Variants in SUMF1 observed in about 807,000 individuals in gnomAD.
The protein encoded by SUMF1 is sulfatase modifying factor 1, also known as formylglycine-generating enzyme.
SUMF1 carries 48 observed loss-of-function variants against 47.6 expected under a neutral mutation model. That is an observed-to-expected ratio of 1.01 (90% CI 0.80 to 1.28). The LOEUF (loss-of-function observed/expected upper bound fraction) is 1.28, where lower values mean the gene tolerates loss of function less well. Ranked by LOEUF, SUMF1 falls within the 50% of genes most tolerant of loss-of-function variation. The pLI, the probability that SUMF1 is intolerant of heterozygous loss-of-function variation, is 0.00. For missense variants in SUMF1, 571 were observed against 485.4 expected (o/e 1.18, Z -1.66); for synonymous variants, 230 against 192.1 (o/e 1.20, Z -1.63).
intron 8 of SUMF1, among the ~76,000 whole-genome samples, chr3:4,282,459 C>T (rs1288532709): frequency 6.6e-6 from 1 of 152,186 alleles, no homozygotes; most frequent in Non-Finnish European, 1.5e-5. Flanking sequence ...TTCACACATA[C>T]CTTCTACAAT....
chr3:4,295,975 C>T (rs1697841936), intron 8 of SUMF1, among the ~76,000 whole-genome samples: 1 of 152,046 alleles, frequency 6.6e-6, no homozygotes, highest in Non-Finnish European at 1.5e-5. Flanking sequence ...TATTTAATAG[C>T]AGTCTAAACA....
chr3:4,054,659 C>A (rs547601544), intron 9 of SUMF1, among the ~76,000 whole-genome samples: 5 of 152,114 alleles, frequency 3.3e-5, no homozygotes, highest in Admixed American at 6.6e-5. Flanking sequence ...ATGAGATACT[C>A]ACAGTGTGCT....
chr3:4,290,920 G>GA (rs1303895735), intron 8 of SUMF1, among the ~76,000 whole-genome samples: 10 of 150,750 alleles, frequency 6.6e-5, no homozygotes, highest in East Asian at 4.0e-4. Context: ...TGGAAGTCAG[G>GA]AAAAAAAACA....
intron 1 of SUMF1, among the ~76,000 whole-genome samples, chr3:4,454,552 A>C (rs1198944831): frequency 6.6e-6 from 1 of 152,252 alleles, no homozygotes; most frequent in Non-Finnish European, 1.5e-5. Flanking sequence ...ACGAAGAGTT[A>C]TATGACCCTG....
chr3:4,106,929 T>C (rs1293004917), intron 8 of SUMF1, among the ~76,000 whole-genome samples: 1 of 152,108 alleles, frequency 6.6e-6, no homozygotes, highest in African/African-American at 2.4e-5. Context: ...CAGAACATGA[T>C]GGTTTTAAGA....
intron 8 of SUMF1, among the ~76,000 whole-genome samples, chr3:4,229,644 A>G (rs978151770): frequency 1.3e-5 from 2 of 152,158 alleles, no homozygotes; most frequent in African/African-American, 4.8e-5. Flanking sequence ...ATCAAGTATG[A>G]TCTGCTCCAA....
intron 8 of SUMF1, among the ~76,000 whole-genome samples, chr3:4,236,499 G>C (rs1251839477): frequency 6.6e-6 from 1 of 152,072 alleles, no homozygotes; most frequent in Non-Finnish European, 1.5e-5. Context: ...CCTGCCTATA[G>C]TCCCAGCTAC....
At chr3:4,459,329 AAAAAT>A (rs2079749894) in intron 1 of SUMF1, among the ~76,000 whole-genome samples, 1 of 152,190 alleles carries the variant, frequency 6.6e-6, no homozygotes, top group African/African-American at 2.4e-5. Flanking sequence ...TTTGTCAATT[AAAAAT>A]AAAATTTTAA....
At chr3:4,219,556 T>C (rs1437300730) in intron 8 of SUMF1, among the ~76,000 whole-genome samples, 5 of 152,182 alleles carry the variant, frequency 3.3e-5, no homozygotes, top group Admixed American at 3.3e-4. Flanking sequence ...TTGTCTAATG[T>C]ATTCAATTCC....
intron 7 of SUMF1, among the ~76,000 whole-genome samples, chr3:4,405,405 G>A (rs1304246770): frequency 2.0e-5 from 3 of 152,138 alleles, no homozygotes; most frequent in Non-Finnish European, 2.9e-5. Flanking sequence ...TTTATTTTTT[G>A]AGACTGGGTC....
chr3:4,146,812 T>G (rs1053917692), intron 8 of SUMF1, among the ~76,000 whole-genome samples: 2 of 152,040 alleles, frequency 1.3e-5, no homozygotes, highest in African/African-American at 4.8e-5. Flanking sequence ...TTGCAATAGT[T>G]TGCTGAGAAT....
At chr3:4,045,923 T>C (rs1176208746) in intron 9 of SUMF1, among the ~76,000 whole-genome samples, 7 of 152,174 alleles carry the variant, frequency 4.6e-5, no homozygotes, top group African/African-American at 1.7e-4. Flanking sequence ...CACTGGCTTA[T>C]GCCTATAATT....
intron 9 of SUMF1, among the ~76,000 whole-genome samples, chr3:4,040,420 C>T (rs1194745768): frequency 2.0e-5 from 3 of 152,098 alleles, no homozygotes; most frequent in Non-Finnish European, 4.4e-5. Flanking sequence ...ACCAGGAACC[C>T]AGCAGGCGTC....
chr3:4,123,972 A>C (rs913116913), intron 8 of SUMF1, among the ~76,000 whole-genome samples: 1 of 152,102 alleles, frequency 6.6e-6, no homozygotes, highest in Non-Finnish European at 1.5e-5. Context: ...CTTTGCATTC[A>C]TGTTGGCACT....
At chr3:4,396,803 A>C (rs1206938466) in intron 7 of SUMF1, among the ~76,000 whole-genome samples, 1 of 152,200 alleles carries the variant, frequency 6.6e-6, no homozygotes, top group Non-Finnish European at 1.5e-5. Context: ...TAGAAAAAAG[A>C]GTGAGGCCCC....
intron 8 of SUMF1, among the ~76,000 whole-genome samples, chr3:4,074,499 C>G (rs1436647660): frequency 6.6e-6 from 1 of 151,848 alleles, no homozygotes; most frequent in Non-Finnish European, 1.5e-5. Flanking sequence ...CAGAGCAGGA[C>G]TAAAGGAGAA....
chr3:4,220,266 G>A lies in SUMF1; in HGVS notation c.1015-151521C>T, dbSNP rs7652170. ...ACTTCATACGAGGGGATTTAGCTAC[G>A]GTTCATGCTAGACTGCTTAATTAGT... On this transcript the variant is annotated intron_variant and NMD_transcript_variant, in intron 8 of 12. Transcript: ENST00000448413. Among the ~76,000 whole-genome samples the A allele has an allele frequency of 6.3e-3, 951 of 152,150 alleles. 11 individuals are homozygous for A. Among genetic ancestry groups the A allele is most frequent in the African/African-American group, 0.021 (884 of 41,508 alleles).
chr3:4,110,038 T>C (rs1309894373), intron 8 of SUMF1, among the ~76,000 whole-genome samples: 4 of 152,058 alleles, frequency 2.6e-5, no homozygotes, highest in African/African-American at 9.7e-5. Context: ...GCTCTGTTTT[T>C]TCCCCATCTT....
At chr3:4,056,453 C>T (rs1695192457) in intron 9 of SUMF1, among the ~76,000 whole-genome samples, 1 of 152,114 alleles carries the variant, frequency 6.6e-6, no homozygotes, top group African/African-American at 2.4e-5. Flanking sequence ...ACAGGAGGAT[C>T]ACTTGAGCCC....
Sources: allele counts gnomAD v4.1 joint callset (sites outside exome capture counted in the v4.1 genomes callset), GRCh38; gene constraint gnomAD v4.1.1; transcripts MANE v1.5; gene names NCBI Gene and HGNC (gene_info 2026-07-23, HGNC 2026-07-21).